The following COL24A1 variants were observed in gnomAD, a reference collection of about 807,000 sequenced individuals.
COL24A1 encodes the protein collagen alpha-1(XXIV) chain.
COL24A1 carries 224 observed loss-of-function variants against 253.9 expected under a neutral mutation model. The observed-to-expected ratio is 0.88, with a 90% CI of 0.79 to 0.99. The LOEUF (loss-of-function observed/expected upper bound fraction) is 0.99. Ranked by LOEUF, COL24A1 falls within the 50% of genes least tolerant of loss-of-function variation. COL24A1 has a pLI of 0.00. For missense variants in COL24A1, 2,131 were observed against 2,068.5 expected (o/e 1.03, Z -0.59); for synonymous variants, 685 against 673.7 (o/e 1.02, Z -0.26).
intron 5 of COL24A1, among the ~76,000 whole-genome samples, chr1:86,107,625 C>G (rs893555469): frequency 1.3e-5 from 2 of 151,912 alleles, no homozygotes; most frequent in African/African-American, 4.8e-5. Flanking sequence ...AGCTCCGCCT[C>G]CCGGGTTCAC....
chr1:86,130,340 A>G (rs1648970462), intron 2 of COL24A1, among the ~76,000 whole-genome samples: 2 of 151,928 alleles, frequency 1.3e-5, no homozygotes. Flanking sequence ...AACTAAATCT[A>G]TCTACATTTG....
chr1:86,075,239 T>G (rs1218629270), intron 7 of COL24A1, among the ~76,000 whole-genome samples: 2 of 152,062 alleles, frequency 1.3e-5, no homozygotes, highest in Non-Finnish European at 2.9e-5. Flanking sequence ...AAATACAAAC[T>G]ACCATCAGAG....
At chr1:85,865,140 G>A (rs1375172189) in intron 37 of COL24A1, among the ~76,000 whole-genome samples, 1 of 148,518 alleles carries the variant, frequency 6.7e-6, no homozygotes, top group African/African-American at 2.5e-5. Context: ...AGGAAGTAAG[G>A]AGATCTTTTC....
intron 47 of COL24A1, among the ~76,000 whole-genome samples, chr1:85,787,230 G>A (rs757315026): frequency 1.3e-5 from 2 of 151,640 alleles, no homozygotes; most frequent in Non-Finnish European, 2.9e-5. Flanking sequence ...AAGTTTCCGG[G>A]TACATGCGCA....
Position 86,092,319 on chromosome 1 carries a change from C to A in COL24A1, c.1601G>T (p.Gly534Val). 6.2e-7 allele frequency: 1 copy of A among 1,603,506 alleles called. No homozygotes were observed. The highest frequency in any genetic ancestry group is 1.1e-5 in the South Asian group (1 of 90,022). ...GGAAAATCCTGGATCTCCTTTGGGG[C>A]CCTAAATAAAATAGTTATAAAACAG... Reference protein sequence around the residue: ...PGLPGLPGPKGPKGDPGFSPG... With the variant: ...PGLPGLPGPKVPKGDPGFSPG... The change falls in exon 6 of 60, where the codon GGC becomes GTC. Residue 534 changes from glycine to valine, a missense_variant and splice_region_variant. By Grantham distance (109) the Gly-to-Val change is moderately radical. Transcript: ENST00000370571.
chr1:85,929,837 G>T (rs1296639536), intron 24 of COL24A1, among the ~76,000 whole-genome samples: 2 of 150,702 alleles, frequency 1.3e-5, no homozygotes, highest in African/African-American at 4.9e-5. Context: ...ATGACTACTG[G>T]GTACATAACG....
intron 47 of COL24A1, among the ~76,000 whole-genome samples, chr1:85,811,402 T>C (rs1672512613): frequency 1.3e-5 from 2 of 152,218 alleles, no homozygotes; most frequent in Non-Finnish European, 2.9e-5. Context: ...ATAAAATTTA[T>C]TTAAAAAAAT....
chr1:85,874,696 C>T lies in COL24A1; in HGVS notation c.3091G>A (p.Val1031Ile), dbSNP rs1680933521. ...LQGEPGAKGD[V>I]GTAGSVGGTG... ...CCTCCAACACTGCCAGCAGTTCCAA[C>T]ATCTCCCTGAAGAAACAAAGGGAAA... The change falls in exon 35 of 60, where the codon GTT (valine) becomes ATT (isoleucine). Residue 1031 changes from valine to isoleucine, a missense_variant. By Grantham distance (29) the Val-to-Ile change is conservative. Coordinates refer to ENST00000370571, the MANE Select transcript of COL24A1 (RefSeq NM_152890.7). The T allele has an allele frequency of 4.3e-6, 7 of 1,612,338 alleles. No homozygotes were observed. The highest frequency in any genetic ancestry group is 5.9e-6 in the Non-Finnish European group (7 of 1,179,910).
chr1:86,124,735 T>G, intron 3 of COL24A1, 110 bp downstream of exon 3: 1 of 735,032 alleles, frequency 1.4e-6, no homozygotes, highest in Non-Finnish European at 2.0e-6. Context: ...ATGACAGACT[T>G]TATCTGTTAT....
intron 10 of COL24A1, 120 bp downstream of exon 10, chr1:86,057,811 A>G (rs1700772200): frequency 1.3e-6 from 1 of 796,832 alleles, no homozygotes; most frequent in Admixed American, 2.7e-5. Flanking sequence ...AAGTATATTC[A>G]GGCTACATTT....
chr1:86,018,940 A>T (rs1278108414), intron 18 of COL24A1, among the ~76,000 whole-genome samples: 1 of 152,192 alleles, frequency 6.6e-6, no homozygotes, highest in African/African-American at 2.4e-5. Flanking sequence ...AAATCAGGAC[A>T]TTCCTTCTTA....
At chr1:85,816,024 A>AT (rs1375617944) in intron 47 of COL24A1, among the ~76,000 whole-genome samples, 1 of 152,148 alleles carries the variant, frequency 6.6e-6, no homozygotes, top group Non-Finnish European at 1.5e-5. Flanking sequence ...TGGTTGCTCA[A>AT]TGGGCCCACT....
chr1:85,775,414 C>G (rs1668436812), intron 53 of COL24A1, among the ~76,000 whole-genome samples: 2 of 152,048 alleles, frequency 1.3e-5, no homozygotes, highest in Admixed American at 6.6e-5. Flanking sequence ...GAGTTCAAGT[C>G]CTGGATATCT....
intron 10 of COL24A1, among the ~76,000 whole-genome samples, chr1:86,057,261 G>A (rs933862400): frequency 4.6e-5 from 7 of 152,020 alleles, no homozygotes; most frequent in Non-Finnish European, 1.0e-4. Context: ...TTCACCTTCC[G>A]CTGTGACTAT....
In COL24A1 at chr1:86,124,937, T is replaced by C; in HGVS notation, c.1399A>G (p.Thr467Ala). The change falls in exon 3 of 60, where the codon ACT becomes GCT. Residue 467 changes from threonine to alanine, a missense_variant. Transcript: ENST00000370571. ...TAATAATAATAATCATAAAGCTCAG[T>C]TTCATAGCTATTTTCGATGGGATAA... ...ATYPIENSYETELYDYYYYED... is the reference protein window; with the variant it reads ...ATYPIENSYEAELYDYYYYED... The C allele has an allele frequency of 6.2e-7, 1 of 1,612,706 alleles. No individual in the cohort carries two copies. The highest frequency in any genetic ancestry group is 1.7e-5 in the Admixed American group (1 of 59,798).
At position 85,730,516 on chromosome 1, in the gene COL24A1, C is replaced by A. The variant is rs768296447; in HGVS notation, c.*30G>T. The A allele has an allele frequency of 6.2e-7, 1 of 1,608,396 alleles. No homozygotes were observed. The highest frequency in any genetic ancestry group is 8.5e-7 in the Non-Finnish European group (1 of 1,175,934). On this transcript the variant is annotated 3_prime_UTR_variant, in exon 60 of 60. Transcript: ENST00000370571. Reference sequence around the variant, plus strand: ...CCCTCTGCAGCAATTACCTGGCCAACAGCCTGAATTCGGAACTAATTCAGA... The same window carrying A: ...CCCTCTGCAGCAATTACCTGGCCAAAAGCCTGAATTCGGAACTAATTCAGA...
At chr1:85,765,867 G>A (rs977113805) in intron 53 of COL24A1, among the ~76,000 whole-genome samples, 6 of 152,024 alleles carry the variant, frequency 3.9e-5, no homozygotes, top group Admixed American at 2.0e-4. Flanking sequence ...TCCAGCAGTC[G>A]TCTTTGCATT....
intron 34 of COL24A1, among the ~76,000 whole-genome samples, chr1:85,874,985 T>A (rs1374146435): frequency 6.6e-6 from 1 of 152,168 alleles, no homozygotes; most frequent in African/African-American, 2.4e-5. Context: ...GCTCAGTCCT[T>A]ATGAGAATCT....
intron 24 of COL24A1, 111 bp downstream of exon 24, chr1:85,961,138 A>G: frequency 1.3e-6 from 1 of 798,842 alleles, no homozygotes; most frequent in South Asian, 1.5e-5. Context: ...GTAGTGGATA[A>G]GAATTATTCT....
Sources: gnomAD v4.1 joint callset for allele counts (sites outside exome capture counted in the v4.1 genomes callset) on GRCh38, gnomAD v4.1.1 for gene constraint, MANE v1.5 for transcripts, NCBI Gene and HGNC (gene_info 2026-07-23, HGNC 2026-07-21) for gene names.